TTN: variants seen among roughly 807,000 people sequenced by gnomAD.
The protein encoded by TTN is connectin.
TTN carries 1,525 observed loss-of-function variants against 3,223.0 expected under a neutral mutation model. The ratio of observed to expected loss-of-function variants is 0.47; its 90% CI spans 0.45 to 0.49. The LOEUF is 0.49. Ranked by LOEUF, TTN falls within the 20% of genes least tolerant of loss-of-function variation. TTN has a pLI of 0.00. For missense variants in TTN, 40,786 were observed against 43,424.0 expected (o/e 0.94, Z 5.40); for synonymous variants, 14,094 against 15,161.0 (o/e 0.93, Z 5.17).
At position 178,530,409 on chromosome 2, in the gene TTN, T is replaced by G; in HGVS notation, c.106206A>C (p.Ser35402=). 6.2e-7 allele frequency: 1 copy of G among 1,614,022 alleles called. No individual in the cohort carries two copies. ...TTGGTTCAGTTTTTCTGGTTACTGT[T>G]GACTCAGTGGTTTTCTGATCTGATT... ...TKKSDQKTTE[S]TVTRKTEPKA... Residue 35402 remains serine, a synonymous_variant, in exon 358 of 363, where the codon TCA becomes TCC. Coordinates refer to ENST00000589042, the MANE Select transcript of TTN (RefSeq NM_001267550.2).
Position 178,573,560 on chromosome 2 carries a change from T to C in TTN, c.72572A>G (p.Asn24191Ser), listed in dbSNP as rs1479698498. 2.0e-6 allele frequency: 3 copies of C among 1,497,860 alleles called. No individual in the cohort carries two copies. The highest frequency in any genetic ancestry group is 2.7e-6 in the Non-Finnish European group (3 of 1,126,432). The allele number at this position is 1,497,860 out of a possible 1,614,324, so 92.8% of individuals were successfully genotyped here. ...KLKVTKLLKGNEYIFRVMAVN... is the reference protein window; with the variant it reads ...KLKVTKLLKGSEYIFRVMAVN... Reference sequence around the variant, plus strand: ...AGCCATGACACGGAATATGTATTCATTGCCTTTCAAGAGTTTAGTGACCTT... The same window carrying C: ...AGCCATGACACGGAATATGTATTCACTGCCTTTCAAGAGTTTAGTGACCTT... Residue 24191 changes from asparagine to serine, a missense_variant, in exon 326 of 363, where the codon AAT (asparagine) becomes AGT (serine). Asn to Ser is a conservative substitution (Grantham distance 46, BLOSUM62 1). Coordinates refer to ENST00000589042, the MANE Select transcript of TTN (RefSeq NM_001267550.2).
In TTN at chr2:178,777,655, C is replaced by T. The variant is rs770166575; in HGVS notation, c.4480+49G>A. 8.1e-6 allele frequency: 13 copies of T among 1,613,534 alleles called. No individual in the cohort carries two copies. The South Asian group carries it at 1.4e-4, about 18-fold the overall frequency. ...AAAAATTGTTAGATGCATACATAAG[C>T]TTGTTTTTGTGTTTTTATGATTCAT... On this transcript the variant is annotated intron_variant, in intron 25 of 362. Transcript: ENST00000589042.
At position 178,776,192 on chromosome 2, in the gene TTN, T is replaced by C. The variant is rs547305291; in HGVS notation, c.5672A>G (p.Tyr1891Cys). 59 of 1,614,170 alleles carry C rather than the reference T, an allele frequency of 3.7e-5. No individual in the cohort carries two copies. The South Asian group carries it at 5.9e-4, about 16-fold the overall frequency. ...IRKSKRFRVR[Y>C]DGIHYLDIVD... Reference sequence around the variant, plus strand: ...GATGTCCAGGTAATGGATACCATCATAGCGAACTCTGAACCTTTTGCTTTT... The same window carrying C: ...GATGTCCAGGTAATGGATACCATCACAGCGAACTCTGAACCTTTTGCTTTT... Residue 1891 changes from tyrosine (Y) to cysteine (C), a missense_variant, in exon 28 of 363, where the codon TAT becomes TGT. By Grantham distance (194) the Tyr-to-Cys change is radical. Coordinates refer to ENST00000589042, the MANE Select transcript of TTN (RefSeq NM_001267550.2).
rs765451484 is a variant in TTN, at chr2:178,694,692, C to T, written c.31349-16G>A. On this transcript the variant is annotated splice_polypyrimidine_tract_variant and intron_variant, in intron 116 of 362. Coordinates refer to ENST00000589042, the MANE Select transcript of TTN (RefSeq NM_001267550.2). ...ACTTCAGGTACTTTAAAAATATGTACAAATATATTTGTATTTTGAAGAATA... is the reference window on the plus strand; with the variant it reads ...ACTTCAGGTACTTTAAAAATATGTATAAATATATTTGTATTTTGAAGAATA... The T allele has an allele frequency of 2.0e-6, 3 of 1,533,982 alleles. No individual in the cohort carries two copies. Among genetic ancestry groups the T allele is most frequent in the South Asian group, 2.5e-5 (2 of 80,352 alleles).
In TTN at chr2:178,620,323, G is replaced by T. The variant is rs2154210935; in HGVS notation, c.46198C>A (p.Gln15400Lys). The T allele has an allele frequency of 1.3e-6, 2 of 1,590,112 alleles. No individual in the cohort carries two copies. The highest frequency in any genetic ancestry group is 1.2e-5 in the South Asian group (1 of 86,780). Reference protein sequence around the residue: ...PTEFVEHLEDQTVTEFDDAVF... With the variant: ...PTEFVEHLEDKTVTEFDDAVF... ...GCGTCATCGAACTCAGTGACTGTCT[G>T]ATCTTCCAAGTGTTCCACAAATTCT... The change falls in exon 248 of 363, where the codon CAG (glutamine) becomes AAG (lysine). Residue 15400 changes from glutamine (Q) to lysine (K), a missense_variant. Physicochemically the swap from Gln to Lys is moderately conservative, Grantham distance 53. Coordinates refer to ENST00000589042, the MANE Select transcript of TTN (RefSeq NM_001267550.2).
intron 45 of TTN, 75 bp from the exon 46 acceptor site, chr2:178,756,872 C>A (rs2087184265): frequency 4.5e-6 from 6 of 1,330,536 alleles, no homozygotes; most frequent in Admixed American, 2.1e-5. Context: ...GTTAGTAACA[C>A]AAAATGGCAT....
rs373722546 is a variant in TTN at position 178,552,209 on chromosome 2, G to A, written c.90691C>T (p.Pro30231Ser). The A allele has an allele frequency of 1.8e-5, 29 of 1,613,472 alleles. No homozygotes were observed. In the African/African-American group the frequency reaches 3.7e-4, roughly 21 times the overall value. ...TLGPPSKPKGPIRFDEIKADS... is the reference protein window; with the variant it reads ...TLGPPSKPKGSIRFDEIKADS... ...GCCTTGATTTCATCAAATCGAATGG[G>A]TCCTTTGGGCTTTGATGGTGGGCCA... Residue 30231 changes from proline to serine, a missense_variant, in exon 335 of 363, where the codon CCC (proline) becomes TCC (serine). Transcript: ENST00000589042.
Position 178,530,475 on chromosome 2 carries a change from C to T in TTN, c.106140G>A (p.Lys35380=). 6.2e-7 allele frequency: 1 copy of T among 1,613,978 alleles called. No individual in the cohort carries two copies. The change falls in exon 358 of 363, where the codon AAG becomes AAA. Residue 35380 remains lysine, a synonymous_variant. Coordinates refer to ENST00000589042, the MANE Select transcript of TTN (RefSeq NM_001267550.2). ...TNLQFMGQAF[K]SIHEKVSKIS... is the part of the protein sequence containing the mutation. ...TTTTTGATACCTTCTCATGGATACT[C>T]TTAAAGGCTTGCCCCATAAATTGTA...
At position 178,542,850 on chromosome 2, in the gene TTN, G is replaced by C. The variant is rs771804243; in HGVS notation, c.97004C>G (p.Pro32335Arg). ...AGCAAAGAACCAGGAAGCAGCAGGAGGTGGACGGCCAGCAATAGGTATCAC... is the reference window on the plus strand; with the variant it reads ...AGCAAAGAACCAGGAAGCAGCAGGACGTGGACGGCCAGCAATAGGTATCAC... The part of the protein sequence containing the change: ...ELVIPIAGRP[P>R]PAASWFFAGS... The change falls in exon 348 of 363, where the codon CCT becomes CGT. Residue 32335 changes from proline to arginine, a missense_variant. Physicochemically the swap from Pro to Arg is moderately radical, Grantham distance 103. Coordinates refer to ENST00000589042, the MANE Select transcript of TTN (RefSeq NM_001267550.2). 6 of 1,613,802 alleles carry C rather than the reference G, an allele frequency of 3.7e-6. No individual in the cohort carries two copies. The highest frequency in any genetic ancestry group is 5.1e-6 in the Non-Finnish European group (6 of 1,179,782).
Position 178,543,260 on chromosome 2 carries a change from A to G in TTN, c.96713T>C (p.Val32238Ala). ...YDGGSRLTGYVLEACKAGTER... is the reference protein window; with the variant it reads ...YDGGSRLTGYALEACKAGTER... ...TGTGCCAGCTTTGCAGGCCTCGAGA[A>G]CATATCCAGTGAGTCGGCTACCACC... The change falls in exon 347 of 363, where the codon GTT becomes GCT. Residue 32238 changes from valine (V) to alanine (A), a missense_variant. By Grantham distance (64) the Val-to-Ala change is moderately conservative. Coordinates refer to ENST00000589042, the MANE Select transcript of TTN (RefSeq NM_001267550.2). 1 of 1,613,842 alleles carries G rather than the reference A, an allele frequency of 6.2e-7. No individual in the cohort carries two copies. Among genetic ancestry groups the G allele is most frequent in the Non-Finnish European group, 8.5e-7 (1 of 1,179,786 alleles).
rs1175555711 is a variant in TTN at position 178,781,260 on chromosome 2, G to A, written c.3384C>T (p.Tyr1128=). Residue 1128 remains tyrosine, a synonymous_variant, in exon 21 of 363, where the codon TAC becomes TAT. Coordinates refer to ENST00000589042, the MANE Select transcript of TTN (RefSeq NM_001267550.2). ...CGGTTTGTTTGTTGTAACTCACTTT[G>A]TATCTTTATGTAAATGTACAAAATT... The part of the protein sequence containing the change: ...SGVPLTTGYR[Y]KVSYNKQTGE... 6.2e-7 allele frequency: 1 copy of A among 1,613,706 alleles called. No individual in the cohort carries two copies. Among genetic ancestry groups the A allele is most frequent in the Non-Finnish European group, 8.5e-7 (1 of 1,179,896 alleles).
Position 178,712,152 on chromosome 2 carries a change from GCATTGT to G in TTN, c.27672_27677del (p.Cys9226_Gln9227del). 3.7e-6 allele frequency: 6 copies of G among 1,613,726 alleles called. No individual in the cohort carries two copies. The highest frequency in any genetic ancestry group is 5.1e-6 in the Non-Finnish European group (6 of 1,179,776). ...CAATTTCAGGGGTTCCAGCAAGCTG[GCATTGT>G]AGAGAGGCAGAATCTCCAACAGACA... On this transcript the variant is annotated inframe_deletion, in exon 96 of 363. Transcript: ENST00000589042.
intron 112 of TTN, among the ~76,000 whole-genome samples, chr2:178,697,799 AG>A (rs2154285279): frequency 6.6e-6 from 1 of 152,346 alleles, no homozygotes; most frequent in Admixed American, 6.5e-5. Flanking sequence ...TCCTTCATAA[AG>A]TATTTTTTCT....
Position 178,671,176 on chromosome 2 carries a change from A to G in TTN, c.35228-6T>C, listed in dbSNP as rs1399428209. On this transcript the variant is annotated splice_polypyrimidine_tract_variant and splice_region_variant and intron_variant, in intron 155 of 362. Transcript: ENST00000589042. The stretch of plus-strand genomic sequence containing the variant: ...TTTCTCAGATATCTCAGGCCCTTCA[A>G]AGATATTAGTATTTTGGTTTAGAAT... 3.1e-6 allele frequency: 5 copies of G among 1,591,276 alleles called. No individual in the cohort carries two copies. In the South Asian group the frequency reaches 3.5e-5, roughly 11 times the overall value.
At chr2:178,711,649 TCTAG>T (rs1442415253) in intron 96 of TTN, among the ~76,000 whole-genome samples, 1 of 152,186 alleles carries the variant, frequency 6.6e-6, no homozygotes, top group African/African-American at 2.4e-5. Flanking sequence ...AAGACTGCCT[TCTAG>T]CAATTTGCAT....
intron 215 of TTN, 145 bp downstream of exon 215, chr2:178,646,915 GTAAC>G: frequency 2.8e-6 from 1 of 351,724 alleles, no homozygotes; most frequent in Non-Finnish European, 5.1e-6. Context: ...TAAAAGAAGT[GTAAC>G]TATTTCAAAA....
chr2:178,547,319 A>G lies in TTN; in HGVS notation c.94220-14T>C, dbSNP rs775938480. The stretch of plus-strand genomic sequence containing the variant: ...CGCTTGGTGGGACTAAATATAAACA[A>G]AGGTATTAAGTATGAATACAATTTT... On this transcript the variant is annotated splice_polypyrimidine_tract_variant and intron_variant, in intron 339 of 362. Transcript: ENST00000589042. 6.9e-6 allele frequency: 11 copies of G among 1,590,278 alleles called. No homozygotes were observed. In the Admixed American group the frequency reaches 1.6e-4, roughly 23 times the overall value.
chr2:178,543,334 A>G lies in TTN; in HGVS notation c.96639T>C (p.Asp32213=), dbSNP rs1469277236. ...PLVPAKLEVV[D]VTKSTVTLAW... ...CAAGGGTAACAGTGGATTTGGTGAC[A>G]TCGACCACTTCTAGCTTTGCAGGCA... The change falls in exon 347 of 363, where the codon GAT becomes GAC. Residue 32213 remains aspartate, a synonymous_variant. Coordinates refer to ENST00000589042, the MANE Select transcript of TTN (RefSeq NM_001267550.2). 5 of 1,613,858 alleles carry G rather than the reference A, an allele frequency of 3.1e-6. No homozygotes were observed. Among genetic ancestry groups the G allele is most frequent in the Admixed American group, 1.7e-5 (1 of 60,008 alleles).
Position 178,718,798 on chromosome 2 carries a change from T to C in TTN, c.24402A>G (p.Glu8134=). The C allele has an allele frequency of 1.2e-6, 2 of 1,613,742 alleles. No individual in the cohort carries two copies. The highest frequency in any genetic ancestry group is 8.5e-7 in the Non-Finnish European group (1 of 1,179,736). The stretch of plus-strand genomic sequence containing the variant: ...ATGGCTGCACCTCAAACAACTCCAG[T>C]TCTGTGACAAAATCTTCCAGAGAGA... The part of the protein sequence containing the change: ...CNISLEDFVT[E]LELFEVQPLE... The change falls in exon 84 of 363, where the codon GAA becomes GAG. Residue 8134 remains glutamate, a synonymous_variant. Coordinates refer to ENST00000589042, the MANE Select transcript of TTN (RefSeq NM_001267550.2).
Sources: gnomAD v4.1 joint callset for allele counts (sites outside exome capture counted in the v4.1 genomes callset) on GRCh38, gnomAD v4.1.1 for gene constraint, MANE v1.5 for transcripts, NCBI Gene and HGNC (gene_info 2026-07-23, HGNC 2026-07-21) for gene names.